The following CDH8 variants were observed in gnomAD, a reference collection of about 807,000 sequenced individuals.
CDH8 encodes the protein cadherin 8.
In CDH8, 17 loss-of-function variants were observed where a neutral mutation model predicts 68.1. The ratio of observed to expected loss-of-function variants is 0.25; its 90% CI spans 0.17 to 0.37. CDH8 has a LOEUF of 0.37. Among genes scored for constraint, CDH8 ranks in the 10% least tolerant of loss-of-function variants. The pLI is 1.00. For synonymous variants in CDH8, 372 were observed against 365.1 expected, an observed-to-expected ratio of 1.02 and a Z score of -0.21; for missense variants, 763 against 999.3, an observed-to-expected ratio of 0.76 and a Z score of 3.19.
At chr16:61,737,565 T>A (rs76764731) in intron 8 of CDH8, among the ~76,000 whole-genome samples, 1 of 152,094 alleles carries the variant, frequency 6.6e-6, no homozygotes, top group East Asian at 1.9e-4. Flanking sequence ...AAGACGAAAC[T>A]TTTTGAGACA....
intron 2 of CDH8, among the ~76,000 whole-genome samples, chr16:62,020,376 C>T (rs964689834): frequency 2.6e-5 from 4 of 151,768 alleles, no homozygotes; most frequent in Admixed American, 6.6e-5. Context: ...CACGTGTAGT[C>T]TCCAATAACC....
intron 4 of CDH8, among the ~76,000 whole-genome samples, chr16:61,847,869 A>G (rs1962843963): frequency 6.7e-6 from 1 of 149,824 alleles, no homozygotes; most frequent in African/African-American, 2.5e-5. Flanking sequence ...GTCTATATCT[A>G]CCAACTATCC....
At chr16:61,711,311 C>A (rs1426841176) in intron 10 of CDH8, among the ~76,000 whole-genome samples, 1 of 149,786 alleles carries the variant, frequency 6.7e-6, no homozygotes, top group Non-Finnish European at 1.5e-5. Context: ...TAGAAAATGC[C>A]AAATACTGAA....
At chr16:61,754,753 A>G (rs1183302301) in intron 8 of CDH8, among the ~76,000 whole-genome samples, 2 of 152,094 alleles carry the variant, frequency 1.3e-5, no homozygotes, top group East Asian at 3.9e-4. Context: ...ATCTAACTGC[A>G]TATTTTTTTA....
At chr16:61,986,357 T>C (rs1965628119) in intron 2 of CDH8, among the ~76,000 whole-genome samples, 1 of 152,214 alleles carries the variant, frequency 6.6e-6, no homozygotes, top group Non-Finnish European at 1.5e-5. Context: ...GTGCAATTCC[T>C]TCACTCCTTT....
At chr16:61,788,780 A>T (rs1376192054) in intron 8 of CDH8, among the ~76,000 whole-genome samples, 1 of 152,082 alleles carries the variant, frequency 6.6e-6, no homozygotes, top group Non-Finnish European at 1.5e-5. Flanking sequence ...AATGTATGAA[A>T]AAAATTACAT....
chr16:61,785,147 G>T (rs1961205390), intron 8 of CDH8, among the ~76,000 whole-genome samples: 1 of 133,612 alleles, frequency 7.5e-6, no homozygotes, highest in African/African-American at 2.9e-5. Flanking sequence ...ATGAATCCAG[G>T]AGCTGGTTTT....
intron 2 of CDH8, among the ~76,000 whole-genome samples, chr16:61,961,723 G>A (rs577619697): frequency 6.6e-6 from 1 of 152,160 alleles, no homozygotes; most frequent in Non-Finnish European, 1.5e-5. Flanking sequence ...AAAAATGTTA[G>A]GTAAGATCAG....
At chr16:61,876,866 G>A (rs1315720994) in intron 3 of CDH8, among the ~76,000 whole-genome samples, 1 of 152,010 alleles carries the variant, frequency 6.6e-6, no homozygotes, top group Non-Finnish European at 1.5e-5. Flanking sequence ...GCATATGTGG[G>A]TCTTATAGTC....
intron 10 of CDH8, among the ~76,000 whole-genome samples, chr16:61,706,620 CAAAAAAA>C (rs781148249): frequency 1.5e-3 from 88 of 60,384 alleles, no homozygotes; most frequent in Admixed American, 2.1e-3. Flanking sequence ...GACTCTGTCT[CAAAAAAA>C]AAAAAAAAAA....
chr16:61,894,658 T>C (rs948639279), intron 3 of CDH8, among the ~76,000 whole-genome samples: 1 of 152,170 alleles, frequency 6.6e-6, no homozygotes, highest in African/African-American at 2.4e-5. Context: ...AGAGAAATAG[T>C]ATGTGTTTTC....
intron 3 of CDH8, among the ~76,000 whole-genome samples, chr16:61,866,569 AGT>A (rs200585090): frequency 2.4e-4 from 36 of 147,760 alleles, no homozygotes; most frequent in South Asian, 1.8e-3. Flanking sequence ...AGAATTATAT[AGT>A]GTGTGTGTGT....
chr16:61,875,658 T>C (rs1963445043), intron 3 of CDH8, among the ~76,000 whole-genome samples: 1 of 152,200 alleles, frequency 6.6e-6, no homozygotes, highest in African/African-American at 2.4e-5. Flanking sequence ...TGAAAAGTTT[T>C]CCTCTCCTAT....
At chr16:62,008,594 G>A (rs568183697) in intron 2 of CDH8, among the ~76,000 whole-genome samples, 5 of 152,110 alleles carry the variant, frequency 3.3e-5, no homozygotes, top group East Asian at 1.9e-4. Context: ...TCCAACTCCC[G>A]GGCTCAGGCG....
intron 2 of CDH8, among the ~76,000 whole-genome samples, chr16:61,931,085 G>A (rs1002043686): frequency 6.6e-6 from 1 of 152,132 alleles, no homozygotes; most frequent in Non-Finnish European, 1.5e-5. Context: ...ACACCATTTC[G>A]AAATTGTGAG....
chr16:61,768,322 C>CTT (rs1960654429), intron 8 of CDH8, among the ~76,000 whole-genome samples: 1 of 70,082 alleles, frequency 1.4e-5, no homozygotes, highest in African/African-American at 5.7e-5. Context: ...CTTTCTCTCT[C>CTT]TCTCTCTCTC....
intron 6 of CDH8, chr16:61,817,934 A>G (rs1257300443): frequency 1.0e-5 from 5 of 480,900 alleles, no homozygotes; most frequent in Admixed American, 3.8e-5. Context: ...AGCTCAGTGA[A>G]TCTAATCTCC....
At chr16:61,941,555 T>C (rs1281994862) in intron 2 of CDH8, among the ~76,000 whole-genome samples, 1 of 152,214 alleles carries the variant, frequency 6.6e-6, no homozygotes, top group East Asian at 1.9e-4. Context: ...GTTCAAGCAA[T>C]TCTCCTGCCT....
At chr16:61,724,122 C>T (rs1959273769) in intron 9 of CDH8, among the ~76,000 whole-genome samples, 1 of 150,548 alleles carries the variant, frequency 6.6e-6, no homozygotes. Flanking sequence ...CCATTTCTCC[C>T]TATTTAGGTT....
Sources: gnomAD v4.1 joint callset for allele counts (sites outside exome capture counted in the v4.1 genomes callset) on GRCh38, gnomAD v4.1.1 for gene constraint, MANE v1.5 for transcripts, NCBI Gene and HGNC (gene_info 2026-07-23, HGNC 2026-07-21) for gene names.